The following VTI1A variants were observed in gnomAD, a reference collection of about 807,000 sequenced individuals.
The protein encoded by VTI1A is vesicle transport through interaction with t-SNAREs homolog 1A.
Under a neutral mutation model 34.9 loss-of-function variants are expected in VTI1A, and 22 were observed. The ratio of observed to expected loss-of-function variants is 0.63; its 90% CI spans 0.45 to 0.90. The LOEUF (loss-of-function observed/expected upper bound fraction) is 0.90, where lower values mean the gene tolerates loss of function less well. Among genes scored for constraint, VTI1A ranks in the 40% least tolerant of loss-of-function variants. The probability of loss-of-function intolerance (pLI) is 0.00; values close to 1 mark genes in which losing one functional copy is unlikely to be tolerated. For missense variants in VTI1A, 268 were observed against 275.6 expected (o/e 0.97, Z 0.20); for synonymous variants, 87 against 97.3 (o/e 0.89, Z 0.62).
intron 5 of VTI1A, among the ~76,000 whole-genome samples, chr10:112,578,941 C>T (rs1051571064): frequency 6.6e-6 from 1 of 152,212 alleles, no homozygotes; most frequent in Non-Finnish European, 1.5e-5. Flanking sequence ...AACTTGCTTG[C>T]TATTCCTGGT....
chr10:112,839,634 A>G, the VTI1A span, among the ~76,000 whole-genome samples: 4 of 152,126 alleles, frequency 2.6e-5, no homozygotes, highest in African/African-American at 9.7e-5. Flanking sequence ...CGCTGCCCCA[A>G]AGGGCGATTC....
chr10:112,452,566 CAAA>C lies in VTI1A; in HGVS notation c.94+5114_94+5116del, dbSNP rs57884472. On this transcript the variant is annotated intron_variant, in intron 1 of 7. Coordinates refer to ENST00000393077, the MANE Select transcript of VTI1A (RefSeq NM_145206.4). ...CTAGTGACACAGTGAGACTCTGTCT[CAAA>C]AAAAAAAAAAAAAATTAAGCTTTTA... Among the ~76,000 whole-genome samples, 584 of 134,766 alleles carry C rather than the reference CAAA, an allele frequency of 4.3e-3. 4 individuals carry two copies. Among genetic ancestry groups the C allele is most frequent in the African/African-American group, 5.2e-3 (191 of 36,600 alleles). The allele number at this position is 134,766 out of a possible 152,430, so 88.4% of individuals were successfully genotyped here. A position where few individuals can be genotyped will look rare whatever the true frequency, so the allele number is the denominator to read the frequency against.
At chr10:112,613,435 A>G (rs879860399) in intron 5 of VTI1A, among the ~76,000 whole-genome samples, 9 of 152,158 alleles carry the variant, frequency 5.9e-5, no homozygotes, top group Non-Finnish European at 1.5e-5. Flanking sequence ...AAAGATGTCT[A>G]AAAACACTGA....
chr10:112,514,012 T>G (rs1220773748), intron 3 of VTI1A, among the ~76,000 whole-genome samples: 2 of 151,978 alleles, frequency 1.3e-5, no homozygotes, highest in Non-Finnish European at 2.9e-5. Context: ...ATCAGGATAA[T>G]GCTAGGCTCA....
chr10:112,640,373 G>A (rs1009793798), intron 5 of VTI1A, among the ~76,000 whole-genome samples: 16 of 151,976 alleles, frequency 1.1e-4, no homozygotes, highest in Admixed American at 7.9e-4. Flanking sequence ...AGAAACAATC[G>A]CAGTCAGTTT....
At chr10:112,693,267 C>T (rs11196058) in intron 7 of VTI1A, among the ~76,000 whole-genome samples, 1,828 of 152,216 alleles carry the variant, frequency 0.012, 42 homozygotes, top group East Asian at 0.086. Flanking sequence ...ACTTAACTGG[C>T]GGGGCGTGAT....
intron 3 of VTI1A, among the ~76,000 whole-genome samples, chr10:112,495,766 G>A (rs1233034476): frequency 1.3e-5 from 2 of 152,070 alleles, no homozygotes; most frequent in Non-Finnish European, 2.9e-5. Context: ...GACCAAGCTC[G>A]CAGGAATTGT....
At chr10:112,535,363 C>G (rs1320292967) in intron 4 of VTI1A, among the ~76,000 whole-genome samples, 1 of 152,108 alleles carries the variant, frequency 6.6e-6, no homozygotes, top group Non-Finnish European at 1.5e-5. Context: ...GATTATTTCT[C>G]AGTTGGGATT....
At chr10:112,610,905 C>T (rs1003982524) in intron 5 of VTI1A, among the ~76,000 whole-genome samples, 3 of 150,354 alleles carry the variant, frequency 2.0e-5, no homozygotes, top group African/African-American at 7.4e-5. Flanking sequence ...GGCGACAGAG[C>T]GAGACTCCAT....
At chr10:112,800,082 A>T (rs1852824843) in intron 7 of VTI1A, among the ~76,000 whole-genome samples, 2 of 152,216 alleles carry the variant, frequency 1.3e-5, no homozygotes, top group Non-Finnish European at 2.9e-5. Flanking sequence ...GACATCAGGA[A>T]AGAAAAAGGT....
intron 7 of VTI1A, among the ~76,000 whole-genome samples, chr10:112,704,452 T>C (rs1849124392): frequency 6.6e-6 from 1 of 152,230 alleles, no homozygotes; most frequent in Non-Finnish European, 1.5e-5. Flanking sequence ...TCTTTTTGCT[T>C]GTTACTTTTC....
chr10:112,704,117 C>T (rs1485673005), intron 7 of VTI1A, among the ~76,000 whole-genome samples: 3 of 152,122 alleles, frequency 2.0e-5, no homozygotes, highest in African/African-American at 7.2e-5. Context: ...ACTAATCACT[C>T]ATTAGGAAGC....
chr10:112,778,069 T>G (rs1852003559), intron 7 of VTI1A, among the ~76,000 whole-genome samples: 1 of 151,794 alleles, frequency 6.6e-6, no homozygotes, highest in South Asian at 2.1e-4. Flanking sequence ...GCCATTGCAC[T>G]CCACCCTGGG....
intron 7 of VTI1A, among the ~76,000 whole-genome samples, chr10:112,691,641 G>T (rs1464585022): frequency 6.6e-6 from 1 of 152,200 alleles, no homozygotes; most frequent in Non-Finnish European, 1.5e-5. Flanking sequence ...AGAAATGTGA[G>T]TTAGCAGGCA....
chr10:112,676,433 T>G (rs1179687490), intron 7 of VTI1A, among the ~76,000 whole-genome samples: 1 of 152,146 alleles, frequency 6.6e-6, no homozygotes. Context: ...CTTCCCTTCT[T>G]TTGCCCTTTT....
At chr10:112,778,062 A>T (rs1852003224) in intron 7 of VTI1A, among the ~76,000 whole-genome samples, 1 of 152,110 alleles carries the variant, frequency 6.6e-6, no homozygotes, top group Admixed American at 6.5e-5. Flanking sequence ...AGATCGTGCC[A>T]TTGCACTCCA....
At chr10:112,461,399 A>G (rs1847722829) in intron 2 of VTI1A, among the ~76,000 whole-genome samples, 1 of 152,198 alleles carries the variant, frequency 6.6e-6, no homozygotes, top group South Asian at 2.1e-4. Context: ...ATGTAGCAGC[A>G]TGAGAGAACC....
intron 5 of VTI1A, among the ~76,000 whole-genome samples, chr10:112,653,916 C>T (rs564191278): frequency 1.3e-5 from 2 of 152,092 alleles, no homozygotes; most frequent in Non-Finnish European, 2.9e-5. Context: ...TTAGTGGTTC[C>T]CTAGTAAAGT....
At chr10:112,555,772 GTC>G (rs944409552) in intron 5 of VTI1A, among the ~76,000 whole-genome samples, 2 of 151,964 alleles carry the variant, frequency 1.3e-5, no homozygotes, top group African/African-American at 4.8e-5. Context: ...TTAAAAAAAT[GTC>G]TCTACTGTTT....
Sources: allele counts gnomAD v4.1 joint callset (sites outside exome capture counted in the v4.1 genomes callset), GRCh38; gene constraint gnomAD v4.1.1; transcripts MANE v1.5; gene names NCBI Gene and HGNC (gene_info 2026-07-23, HGNC 2026-07-21).